ANK3: variants seen among roughly 807,000 people sequenced by gnomAD.
The protein encoded by ANK3 is ankyrin 3.
In ANK3, 57 loss-of-function variants were observed where a neutral mutation model predicts 370.9. The ratio of observed to expected loss-of-function variants is 0.15; its 90% CI spans 0.12 to 0.19. The LOEUF is 0.19. ANK3 is among the 10% of genes least tolerant of loss of function. ANK3 has a pLI of 1.00. For missense variants in ANK3, 4,439 were observed against 5,302.1 expected (o/e 0.84, Z 5.06); for synonymous variants, 1,929 against 1,946.3 (o/e 0.99, Z 0.23).
At chr10:60,242,390 A>G (rs955451278) in intron 7 of ANK3, among the ~76,000 whole-genome samples, 2 of 152,240 alleles carry the variant, frequency 1.3e-5, no homozygotes, top group African/African-American at 4.8e-5. Flanking sequence ...TTAAAAGGTC[A>G]TCTAACTCCA....
chr10:60,082,758 G>C, intron 33 of ANK3, 21 bp from the exon 34 acceptor site: 2 of 1,608,126 alleles, frequency 1.2e-6, no homozygotes, highest in Non-Finnish European at 1.7e-6. Flanking sequence ...TTTGGTAGTT[G>C]ATGGTTATAG....
intron 1 of ANK3, among the ~76,000 whole-genome samples, chr10:60,719,710 C>A (rs527831514): frequency 1.3e-5 from 2 of 152,160 alleles, no homozygotes; most frequent in African/African-American, 4.8e-5. Context: ...TGTACAAGTT[C>A]TTTGCATAAT....
At chr10:60,240,618 C>T (rs942336367) in intron 7 of ANK3, among the ~76,000 whole-genome samples, 1 of 149,856 alleles carries the variant, frequency 6.7e-6, no homozygotes, top group Non-Finnish European at 1.5e-5. Context: ...TTTTTTGAGA[C>T]GGTCTTGCTG....
intron 1 of ANK3, among the ~76,000 whole-genome samples, chr10:60,286,362 C>CT (rs938560504): frequency 6.6e-5 from 10 of 152,020 alleles, no homozygotes; most frequent in Middle Eastern, 3.2e-3. Flanking sequence ...ATCATTCTGT[C>CT]TTTTTTTGTC....
chr10:60,273,269 A>G (rs890058524), intron 4 of ANK3, among the ~76,000 whole-genome samples: 5 of 152,154 alleles, frequency 3.3e-5, no homozygotes, highest in Non-Finnish European at 7.3e-5. Flanking sequence ...TCCTAAGATT[A>G]TTACCTGAAA....
chr10:60,644,843 G>GA (rs57867799), intron 1 of ANK3, among the ~76,000 whole-genome samples: 10 of 123,764 alleles, frequency 8.1e-5, no homozygotes, highest in East Asian at 2.4e-4. Context: ...TTAGTTAAAA[G>GA]AAAAAAAAAG....
chr10:60,099,734 G>C (rs1409919601), intron 28 of ANK3, among the ~76,000 whole-genome samples: 2 of 152,072 alleles, frequency 1.3e-5, no homozygotes, highest in Non-Finnish European at 2.9e-5. Flanking sequence ...TCAAAATCCA[G>C]GATCATAAAT....
At chr10:60,582,136 G>C (rs1477406376) in intron 2 of ANK3, among the ~76,000 whole-genome samples, 3 of 152,086 alleles carry the variant, frequency 2.0e-5, no homozygotes, top group Non-Finnish European at 4.4e-5. Flanking sequence ...TGCGGGGCTA[G>C]GGGAGGGATA....
chr10:60,678,614 C>T (rs2079156358), intron 1 of ANK3, among the ~76,000 whole-genome samples: 2 of 151,978 alleles, frequency 1.3e-5, no homozygotes, highest in Non-Finnish European at 2.9e-5. Context: ...TCTACAAAGG[C>T]TATTACAGAT....
chr10:60,720,945 C>T lies in ANK3; in HGVS notation c.57+12318G>A, dbSNP rs189217260. On this transcript the variant is annotated intron_variant, in intron 1 of 43. Coordinates refer to the ANK3 transcript ENST00000373827. ...AGGTCAAAGTGACCTTAATACTGTC[C>T]CACAGGAGATCATGTTAGTAAATAC... 1.5e-3 allele frequency among the ~76,000 whole-genome samples: 234 copies of T among 152,168 alleles called. 3 individuals carry two copies. The Middle Eastern group carries it at 0.027, about 18-fold the overall frequency.
chr10:60,208,099 A>G lies in ANK3; in HGVS notation c.1131T>C (p.Cys377=). Residue 377 remains cysteine, a synonymous_variant, in exon 10 of 44, where the codon TGT becomes TGC. Transcript: ENST00000280772. ...GAACCTTGGCAACTTTGTAATGGCCACAGTGGGCAGCCACGTGTAGGGCAG... is the reference window on the plus strand; with the variant it reads ...GAACCTTGGCAACTTTGTAATGGCCGCAGTGGGCAGCCACGTGTAGGGCAG... ...YLTALHVAAH[C]GHYKVAKVLL... 6.2e-7 allele frequency: 1 copy of G among 1,614,128 alleles called. No individual in the cohort carries two copies. The highest frequency in any genetic ancestry group is 1.1e-5 in the South Asian group (1 of 91,070).
At chr10:60,349,956 T>C (rs1273751833) in intron 1 of ANK3, among the ~76,000 whole-genome samples, 1 of 152,186 alleles carries the variant, frequency 6.6e-6, no homozygotes, top group Non-Finnish European at 1.5e-5. Context: ...TGGAAATGAA[T>C]GGAATAGGAT....
At chr10:60,711,330 T>C (rs1159946072) in intron 1 of ANK3, among the ~76,000 whole-genome samples, 4 of 151,874 alleles carry the variant, frequency 2.6e-5, no homozygotes, top group Admixed American at 1.3e-4. Context: ...CCCAAAAATA[T>C]AGGCATCTAC....
intron 2 of ANK3, among the ~76,000 whole-genome samples, chr10:60,438,285 G>A (rs1226572618): frequency 6.6e-6 from 1 of 151,946 alleles, no homozygotes; most frequent in Admixed American, 6.6e-5. Context: ...GTATTGAAGA[G>A]TGAGGCTTGG....
chr10:60,066,520 G>C (rs545264673), intron 38 of ANK3, among the ~76,000 whole-genome samples: 6 of 143,146 alleles, frequency 4.2e-5, no homozygotes, highest in African/African-American at 1.6e-4. Context: ...ACTCCACTCA[G>C]CTCCCAACCA....
chr10:60,581,010 T>G (rs2077743549), intron 2 of ANK3, among the ~76,000 whole-genome samples: 1 of 152,232 alleles, frequency 6.6e-6, no homozygotes, highest in South Asian at 2.1e-4. Context: ...TGAAACTTAA[T>G]AAACATGCAT....
rs577727234 is a variant in ANK3, at chr10:60,637,525, C to G, written c.58-22301G>C. On this transcript the variant is annotated intron_variant, in intron 1 of 43. Coordinates refer to the ANK3 transcript ENST00000373827. ...CTCAAATTCTTCGAACTAATAATTC[C>G]ACCTTAAGACATATATAACAAAGAT... Among the ~76,000 whole-genome samples, 8 of 152,226 alleles carry G rather than the reference C, an allele frequency of 5.3e-5. 1 individual carries two copies. In the South Asian group the frequency reaches 1.7e-3, roughly 32 times the overall value.
At chr10:60,659,742 T>TG (rs1253585516) in intron 1 of ANK3, among the ~76,000 whole-genome samples, 1 of 151,872 alleles carries the variant, frequency 6.6e-6, no homozygotes, top group Admixed American at 6.6e-5. Context: ...ATAAAATCTG[T>TG]GGGGAAAAAA....
At chr10:60,452,760 G>A (rs1308632419) in intron 2 of ANK3, among the ~76,000 whole-genome samples, 1 of 152,108 alleles carries the variant, frequency 6.6e-6, no homozygotes, top group African/African-American at 2.4e-5. Flanking sequence ...TGCAGATTTG[G>A]GTGTCTCTTA....
Sources: gnomAD v4.1 joint callset for allele counts (sites outside exome capture counted in the v4.1 genomes callset) on GRCh38, gnomAD v4.1.1 for gene constraint, MANE v1.5 for transcripts, NCBI Gene and HGNC (gene_info 2026-07-23, HGNC 2026-07-21) for gene names.